Variants in NDUFA10 observed in about 807,000 individuals in gnomAD.
NDUFA10 encodes NADH dehydrogenase [ubiquinone] 1 alpha subcomplex subunit 10, mitochondrial.
In NDUFA10, 40 loss-of-function variants were observed where a neutral mutation model predicts 47.8. The observed-to-expected ratio is 0.84, with a 90% CI of 0.65 to 1.09. NDUFA10 has a LOEUF of 1.09. NDUFA10 is among the 50% of genes least tolerant of loss of function. The probability of loss-of-function intolerance (pLI) is 0.00; values close to 1 mark genes in which losing one functional copy is unlikely to be tolerated. For synonymous variants in NDUFA10, 183 were observed against 172.2 expected (o/e 1.06, Z -0.49); for missense variants, 413 against 451.1 (o/e 0.92, Z 0.76).
intron 4 of NDUFA10, among the ~76,000 whole-genome samples, chr2:239,934,463 C>T (rs1383922850): frequency 3.3e-5 from 5 of 150,912 alleles, no homozygotes; most frequent in Admixed American, 2.0e-4. Flanking sequence ...TGACGTCTGG[C>T]TTCTTTTCTC....
intron 4 of NDUFA10, among the ~76,000 whole-genome samples, chr2:239,936,344 C>T (rs1043752588): frequency 3.3e-5 from 5 of 152,218 alleles, no homozygotes; most frequent in African/African-American, 1.2e-4. Flanking sequence ...CTCCTGGTGT[C>T]TCCTTAAAGG....
At chr2:240,006,119 T>C (rs527354891) in intron 7 of NDUFA10, among the ~76,000 whole-genome samples, 103 of 152,266 alleles carry the variant, frequency 6.8e-4, no homozygotes, top group South Asian at 2.1e-3. Context: ...TGAACCCTCT[T>C]TAGTTTCGGG....
At chr2:239,925,687 C>T (rs7566518) in intron 4 of NDUFA10, among the ~76,000 whole-genome samples, 70,153 of 151,952 alleles carry the variant, frequency 0.46, 16,897 homozygotes, top group African/African-American at 0.62. Context: ...TTGGACCTCA[C>T]GCAAATTTAA....
rs1000966985 is a variant in NDUFA10 at position 239,959,244 on chromosome 2, C to T, written c.*1874G>A. The T allele has an allele frequency of 1.1e-5, 11 of 985,320 alleles. No individual in the cohort carries two copies. Among genetic ancestry groups the T allele is most frequent in the African/African-American group, 5.2e-5 (3 of 57,240 alleles). The allele number at this position is 985,320 out of a possible 1,614,324, so 61.0% of individuals were successfully genotyped here. ...CACCCGAGTCCACACCATGCCGACA[C>T]GGAGCCCTGCATGGTTGGAGAGCTC... On this transcript the variant is annotated 3_prime_UTR_variant, in exon 10 of 10. Coordinates refer to ENST00000252711, the MANE Select transcript of NDUFA10 (RefSeq NM_004544.4).
At position 239,959,117 on chromosome 2, in the gene NDUFA10, C is replaced by G; in HGVS notation, c.*2001G>C. The G allele has an allele frequency of 1.0e-6, 1 of 985,454 alleles. No homozygotes were observed. Among genetic ancestry groups the G allele is most frequent in the African/African-American group, 1.7e-5 (1 of 57,350 alleles). 61.0% of individuals were successfully genotyped at this position (985,454 alleles called of 1,614,324 possible). On this transcript the variant is annotated 3_prime_UTR_variant, in exon 10 of 10. Transcript: ENST00000252711. ...CATGTCATTGAAAACACCAGAAAAT[C>G]AAACAGACGAATGTCCTCAGCACTA...
At chr2:239,978,161 T>C (rs1002936349) in intron 9 of NDUFA10, among the ~76,000 whole-genome samples, 2 of 152,100 alleles carry the variant, frequency 1.3e-5, no homozygotes, top group African/African-American at 2.4e-5. Context: ...ACGGTCCCAT[T>C]CCTCTCTTGC....
At chr2:240,000,331 A>G (rs1334723979) in intron 8 of NDUFA10, among the ~76,000 whole-genome samples, 1 of 152,240 alleles carries the variant, frequency 6.6e-6, no homozygotes, top group East Asian at 1.9e-4. Context: ...GGTGGAAGAC[A>G]GTGATACAGA....
downstream of NDUFA10, among the ~76,000 whole-genome samples, chr2:239,954,172 G>C (rs1340752273): frequency 6.8e-6 from 1 of 147,838 alleles, no homozygotes; most frequent in Non-Finnish European, 1.5e-5. Flanking sequence ...GACTGCCTCA[G>C]GGCTGTGAGA....
intron 9 of NDUFA10, chr2:239,969,636 C>G (rs1237911086): frequency 1.7e-5 from 8 of 471,200 alleles, no homozygotes; most frequent in South Asian, 1.2e-4. Flanking sequence ...TCTCTTGTCA[C>G]AGTCCCGCAA....
intron 1 of NDUFA10, among the ~76,000 whole-genome samples, chr2:240,023,035 A>C (rs975670656): frequency 6.6e-6 from 1 of 152,136 alleles, no homozygotes; most frequent in African/African-American, 2.4e-5. Context: ...TCGCCTCCCT[A>C]TGCCATGTGC....
intron 5 of NDUFA10, among the ~76,000 whole-genome samples, chr2:239,894,444 C>T (rs1693354889): frequency 6.8e-6 from 1 of 147,636 alleles, no homozygotes; most frequent in African/African-American, 2.5e-5. Context: ...TCCACCTCCT[C>T]CCCAGGATGA....
At chr2:239,900,327 TA>T (rs1195693092) in intron 4 of NDUFA10, among the ~76,000 whole-genome samples, 61 of 3,546 alleles carry the variant, frequency 0.017, 2 homozygotes, top group African/African-American at 0.054. Context: ...TATATATATA[TA>T]TATATATATA....
chr2:239,991,897 G>A (rs1473921025), intron 8 of NDUFA10, among the ~76,000 whole-genome samples: 1 of 152,124 alleles, frequency 6.6e-6, no homozygotes. Flanking sequence ...GAGCAACAGC[G>A]CCATCTATGC....
intron 1 of NDUFA10, among the ~76,000 whole-genome samples, chr2:240,024,478 A>G (rs1223158427): frequency 6.6e-6 from 1 of 152,234 alleles, no homozygotes; most frequent in Non-Finnish European, 1.5e-5. Flanking sequence ...TTTAATAGGT[A>G]AAGCAGAGGG....
In NDUFA10 at chr2:239,982,324, G is replaced by A. The variant is rs951339342; in HGVS notation, c.999+7750C>T. ...TTGCAATTTTCATAAAGCAAAACCT[G>A]AACTCTTTTCTAAAAAGATTCTTGT... On this transcript the variant is annotated intron_variant, in intron 9 of 9. Coordinates refer to ENST00000252711, the MANE Select transcript of NDUFA10 (RefSeq NM_004544.4). 8.2e-6 allele frequency: 12 copies of A among 1,461,358 alleles called. No homozygotes were observed. The Admixed American group carries it at 1.9e-4, about 24-fold the overall frequency. 90.5% of individuals were successfully genotyped at this position (1,461,358 alleles called of 1,614,324 possible).
intron 3 of NDUFA10, among the ~76,000 whole-genome samples, chr2:240,019,422 T>C (rs1697515094): frequency 6.6e-6 from 1 of 152,184 alleles, no homozygotes. Flanking sequence ...GGAAATAGGT[T>C]ACTATAGCAC....
At chr2:239,921,683 T>G (rs1693985884) in intron 4 of NDUFA10, among the ~76,000 whole-genome samples, 2 of 148,992 alleles carry the variant, frequency 1.3e-5, no homozygotes, top group South Asian at 4.3e-4. Flanking sequence ...TTGGCGCATT[T>G]TACAATCCCC....
chr2:239,953,844 G>A (rs955947846), downstream of NDUFA10, among the ~76,000 whole-genome samples: 64 of 152,350 alleles, frequency 4.2e-4, no homozygotes, highest in African/African-American at 1.4e-3. Flanking sequence ...AATAGACTCC[G>A]CTTCCAAACC....
At chr2:239,972,137 A>ATGTGTG (rs4149568) in intron 9 of NDUFA10, among the ~76,000 whole-genome samples, 42 of 150,612 alleles carry the variant, frequency 2.8e-4, no homozygotes, top group East Asian at 1.8e-3. Context: ...TTCATGAAGG[A>ATGTGTG]TGTGTGTGTG....
Sources: allele counts gnomAD v4.1 joint callset (sites outside exome capture counted in the v4.1 genomes callset), GRCh38; gene constraint gnomAD v4.1.1; transcripts MANE v1.5; gene names NCBI Gene and HGNC (gene_info 2026-07-23, HGNC 2026-07-21).